The following GRID1 variants were observed in gnomAD, a reference collection of about 807,000 sequenced individuals.
GRID1 encodes the protein glutamate receptor ionotropic, delta-1.
GRID1 carries 28 observed loss-of-function variants against 98.0 expected under a neutral mutation model. That is an observed-to-expected ratio of 0.29 (90% CI 0.21 to 0.39). The LOEUF (loss-of-function observed/expected upper bound fraction) is 0.39, where lower values mean the gene tolerates loss of function less well. Among genes scored for constraint, GRID1 ranks in the 10% least tolerant of loss-of-function variants. GRID1 has a pLI of 1.00. For missense variants in GRID1, 1,111 were observed against 1,340.5 expected, an observed-to-expected ratio of 0.83 and a Z score of 2.67; for synonymous variants, 553 against 538.5, an observed-to-expected ratio of 1.03 and a Z score of -0.37.
chr10:85,971,529 G>A (rs1366302068), intron 4 of GRID1, among the ~76,000 whole-genome samples: 1 of 152,028 alleles, frequency 6.6e-6, no homozygotes, highest in East Asian at 1.9e-4. Flanking sequence ...AAGTAAAGTG[G>A]GAGAAAGTTC....
chr10:86,282,497 C>T (rs529117234), intron 2 of GRID1, among the ~76,000 whole-genome samples: 1 of 152,218 alleles, frequency 6.6e-6, no homozygotes, highest in East Asian at 1.9e-4. Context: ...GGGAACAGTT[C>T]AAAGAGTGCA....
At chr10:86,211,708 A>G (rs1280215792) in intron 2 of GRID1, among the ~76,000 whole-genome samples, 1 of 127,734 alleles carries the variant, frequency 7.8e-6, no homozygotes, top group Non-Finnish European at 1.7e-5. Flanking sequence ...TTCCCTGGTT[A>G]AAAAAAAAAA....
chr10:86,180,439 C>T (rs1186115040), intron 3 of GRID1, among the ~76,000 whole-genome samples: 4 of 152,182 alleles, frequency 2.6e-5, no homozygotes, highest in African/African-American at 4.8e-5. Context: ...GTGCCCCATA[C>T]TGACCACGTC....
intron 5 of GRID1, among the ~76,000 whole-genome samples, chr10:85,871,109 C>A (rs1410198821): frequency 2.6e-5 from 4 of 152,114 alleles, no homozygotes; most frequent in Admixed American, 2.0e-4. Flanking sequence ...TACATCCTGA[C>A]AAACCCATCA....
chr10:86,087,205 T>C (rs1485033981), intron 4 of GRID1, among the ~76,000 whole-genome samples: 2 of 152,154 alleles, frequency 1.3e-5, no homozygotes, highest in Admixed American at 1.3e-4. Context: ...CTCACCTCTA[T>C]ATTAGAAGAT....
intron 8 of GRID1, among the ~76,000 whole-genome samples, chr10:85,796,104 G>T (rs557704083): frequency 2.0e-5 from 3 of 152,300 alleles, no homozygotes. Context: ...GTCAGAGATA[G>T]CAATGACAAG....
chr10:85,896,868 G>A (rs1269313979), intron 5 of GRID1, among the ~76,000 whole-genome samples: 3 of 152,166 alleles, frequency 2.0e-5, no homozygotes, highest in Admixed American at 6.6e-5. Context: ...GTATAAGGAT[G>A]TTGATTGCAG....
At chr10:86,054,556 T>A (rs1843547575) in intron 4 of GRID1, among the ~76,000 whole-genome samples, 1 of 152,204 alleles carries the variant, frequency 6.6e-6, no homozygotes, top group Non-Finnish European at 1.5e-5. Flanking sequence ...GAGAGCAGTG[T>A]GCCCTGCAAA....
intron 4 of GRID1, among the ~76,000 whole-genome samples, chr10:86,008,595 C>G (rs1230877474): frequency 6.6e-6 from 1 of 152,004 alleles, no homozygotes; most frequent in Non-Finnish European, 1.5e-5. Flanking sequence ...AGCAAAGACA[C>G]AAATGGTCTT....
Position 85,694,721 on chromosome 10 carries a change from T to C in GRID1, c.1997+28282A>G, listed in dbSNP as rs189741278. Among the ~76,000 whole-genome samples, 64 of 150,378 alleles carry C rather than the reference T, an allele frequency of 4.3e-4. 1 individual carries two copies. The East Asian group carries it at 7.8e-3, about 18-fold the overall frequency. ...CAGAAACACAAAGTCAAATTCCTCA[T>C]ATTCATTTTAGTTATAAGTGGGAAG... On this transcript the variant is annotated intron_variant, in intron 12 of 15. Coordinates refer to ENST00000327946, the MANE Select transcript of GRID1 (RefSeq NM_017551.3).
At chr10:86,012,528 A>C (rs1361293805) in intron 4 of GRID1, among the ~76,000 whole-genome samples, 1 of 152,224 alleles carries the variant, frequency 6.6e-6, no homozygotes, top group African/African-American at 2.4e-5. Context: ...TGAATACTTA[A>C]TACTTCTTAG....
chr10:86,174,367 AC>A (rs560556144), intron 3 of GRID1, among the ~76,000 whole-genome samples: 94 of 152,206 alleles, frequency 6.2e-4, no homozygotes, highest in Non-Finnish European at 1.2e-3. Flanking sequence ...TCTTTGACAA[AC>A]CTGAGAAAAA....
At chr10:85,953,989 G>A (rs1452343625) in intron 4 of GRID1, among the ~76,000 whole-genome samples, 1 of 152,066 alleles carries the variant, frequency 6.6e-6, no homozygotes, top group African/African-American at 2.4e-5. Context: ...TACAAAAGAG[G>A]GCAAAATAAT....
At position 86,163,413 on chromosome 10, in the gene GRID1, T is replaced by C. The variant is rs574375909; in HGVS notation, c.521-24389A>G. Among the ~76,000 whole-genome samples, 620 of 151,798 alleles carry C rather than the reference T, an allele frequency of 4.1e-3. 10 individuals carry two copies. The highest frequency in any genetic ancestry group is 0.014 in the African/African-American group (579 of 41,294). On this transcript the variant is annotated intron_variant, in intron 3 of 15. Transcript: ENST00000327946. ...CAGCATGTTTTGACGCATTTCTTTT[T>C]TTTTTTTTTTTCATTATACTTTAAG... is the stretch of plus-strand genomic sequence containing the variant.
intron 4 of GRID1, among the ~76,000 whole-genome samples, chr10:86,079,518 G>A (rs188112440): frequency 6.6e-6 from 1 of 152,250 alleles, no homozygotes; most frequent in Non-Finnish European, 1.5e-5. Context: ...AGGAAGTGAG[G>A]GAAATAGAAG....
At chr10:86,325,121 A>G (rs748627293) in intron 2 of GRID1, among the ~76,000 whole-genome samples, 1 of 152,250 alleles carries the variant, frequency 6.6e-6, no homozygotes, top group African/African-American at 2.4e-5. Flanking sequence ...CTTAAAGATG[A>G]TTTTAACATT....
At chr10:86,303,724 A>G in intron 2 of GRID1, among the ~76,000 whole-genome samples, 1 of 152,296 alleles carries the variant, frequency 6.6e-6, no homozygotes, top group Non-Finnish European at 1.5e-5. Context: ...TCTCCAATCC[A>G]CCAGCAGCTC....
intron 13 of GRID1, among the ~76,000 whole-genome samples, chr10:85,640,120 C>T (rs1843097598): frequency 6.6e-6 from 1 of 152,090 alleles, no homozygotes; most frequent in Admixed American, 6.5e-5. Flanking sequence ...TTTCTAACTC[C>T]TAAAAGGAAG....
intron 8 of GRID1, among the ~76,000 whole-genome samples, chr10:85,752,359 A>G (rs1348418462): frequency 1.3e-5 from 2 of 152,166 alleles, no homozygotes; most frequent in African/African-American, 4.8e-5. Flanking sequence ...AGGTCAAAAC[A>G]TTTCCTGTAC....
Sources: allele counts gnomAD v4.1 joint callset (sites outside exome capture counted in the v4.1 genomes callset), GRCh38; gene constraint gnomAD v4.1.1; transcripts MANE v1.5; gene names NCBI Gene and HGNC (gene_info 2026-07-23, HGNC 2026-07-21).